The following DHRS4L2 variants were observed in gnomAD, a reference collection of about 807,000 sequenced individuals.
DHRS4L2 encodes the protein dehydrogenase/reductase 4 like 2.
Under a neutral mutation model 23.9 loss-of-function variants are expected in DHRS4L2, and 22 were observed. That is an observed-to-expected ratio of 0.92 (90% CI 0.66 to 1.31). The LOEUF is 1.31. DHRS4L2 is among the 40% of genes most tolerant of loss of function. The pLI is 0.00. For synonymous variants in DHRS4L2, 141 were observed against 123.7 expected, an observed-to-expected ratio of 1.14 and a Z score of -0.93; for missense variants, 385 against 303.3, an observed-to-expected ratio of 1.27 and a Z score of -2.00.
intron 2 of DHRS4L2, among the ~76,000 whole-genome samples, chr14:23,993,527 C>G (rs1027268155): frequency 6.6e-6 from 1 of 151,634 alleles, no homozygotes; most frequent in African/African-American, 2.4e-5. Flanking sequence ...CCCAAGGCAT[C>G]AAAATTGCCA....
At chr14:23,974,560 AG>A (rs1271647711) in intron 1 of DHRS4L2, among the ~76,000 whole-genome samples, 12 of 151,846 alleles carry the variant, frequency 7.9e-5, no homozygotes, top group Admixed American at 7.2e-4. Flanking sequence ...AAAATCATAA[AG>A]GGGATATCAC....
intron 1 of DHRS4L2, among the ~76,000 whole-genome samples, chr14:23,973,064 T>A (rs10151167): frequency 6.6e-6 from 1 of 151,514 alleles, no homozygotes; most frequent in Non-Finnish European, 1.5e-5. Context: ...TTAGTTCCCA[T>A]GGGCAGGCAG....
chr14:23,975,545 A>G (rs556321386), intron 1 of DHRS4L2, among the ~76,000 whole-genome samples: 1 of 151,932 alleles, frequency 6.6e-6, no homozygotes, highest in South Asian at 2.1e-4. Context: ...CCATCAAGCT[A>G]CCACTGACTT....
At chr14:23,983,287 T>C (rs930068946) in intron 1 of DHRS4L2, among the ~76,000 whole-genome samples, 3 of 151,750 alleles carry the variant, frequency 2.0e-5, no homozygotes, top group Admixed American at 1.3e-4. Flanking sequence ...AAAAAGTTCA[T>C]CATCACTGCT....
In DHRS4L2 at chr14:24,001,452, G is replaced by T. The variant is rs774835838; in HGVS notation, c.600G>T (p.Leu200=). The T allele has an allele frequency of 1.2e-6, 2 of 1,606,636 alleles. No individual in the cohort carries two copies. The highest frequency in any genetic ancestry group is 2.2e-5 in the South Asian group (2 of 90,710). ...LGLNNTLAIE[L]APRNIRVNCL... ...TCAACAATACCCTGGCCATAGAGCT[G>T]GCCCCAAGGAACATTAGGGTGAACT... Residue 200 remains leucine, a synonymous_variant, in exon 6 of 8, where the codon CTG becomes CTT. Transcript: ENST00000335125.
At chr14:23,985,695 A>C (rs1376526695), upstream of DHRS4L2, among the ~76,000 whole-genome samples, 1 of 151,534 alleles carries the variant, frequency 6.6e-6, no homozygotes, top group Non-Finnish European at 1.5e-5. Context: ...TATTTCCCTG[A>C]AAGGTTTCTT....
upstream of DHRS4L2, among the ~76,000 whole-genome samples, chr14:23,988,346 CA>C (rs781001265): frequency 2.0e-5 from 3 of 147,888 alleles, 1 homozygote; most frequent in Non-Finnish European, 4.5e-5. Flanking sequence ...GTCTGCCCTC[CA>C]AGGGCCCGTG....
At chr14:23,974,922 C>A (rs1222168807) in intron 1 of DHRS4L2, among the ~76,000 whole-genome samples, 1 of 151,762 alleles carries the variant, frequency 6.6e-6, no homozygotes, top group Non-Finnish European at 1.5e-5. Flanking sequence ...ATCCGGATAT[C>A]AAAGCTTGGC....
At chr14:23,990,944 G>C (rs1363005694) in intron 2 of DHRS4L2, 1 of 856,660 alleles carries the variant, frequency 1.2e-6, no homozygotes, top group Admixed American at 6.2e-5. Context: ...GCTGCCTGTG[G>C]ACTACCAGGT....
chr14:23,990,293 G>T lies in DHRS4L2; in HGVS notation c.240G>T (p.Gly80=). Residue 80 remains glycine, a synonymous_variant, in exon 2 of 8, where the codon GGG becomes GGT. Coordinates refer to ENST00000335125, the MANE Select transcript of DHRS4L2 (RefSeq NM_198083.4). The stretch of plus-strand genomic sequence containing the variant: ...CGGTGGCCACGCTGCAGGGGGAGGG[G>T]CTGAGCGTGACGGGCACTGTGTGCC... The part of the protein sequence containing the change: ...DQAVATLQGE[G]LSVTGTVCHV... 6.2e-7 allele frequency: 1 copy of T among 1,612,442 alleles called. No individual in the cohort carries two copies. The highest frequency in any genetic ancestry group is 8.5e-7 in the Non-Finnish European group (1 of 1,179,180).
At chr14:23,972,126 T>A (rs1220566224) in intron 1 of DHRS4L2, among the ~76,000 whole-genome samples, 1 of 152,054 alleles carries the variant, frequency 6.6e-6, no homozygotes, top group Non-Finnish European at 1.5e-5. Flanking sequence ...AATGAAGGTA[T>A]GTCTGGAATT....
intron 3 of DHRS4L2, among the ~76,000 whole-genome samples, chr14:23,999,964 G>A (rs2034454960): frequency 7.3e-6 from 1 of 136,352 alleles, no homozygotes; most frequent in South Asian, 2.2e-4. Context: ...CGAAGTGCAG[G>A]GATTGCAGGC....
chr14:23,988,708 G>C (rs2034197824), upstream of DHRS4L2: 3 of 1,214,836 alleles, frequency 2.5e-6, no homozygotes, highest in South Asian at 2.0e-5. Flanking sequence ...AACTTGAACG[G>C]AGAGCGCTTT....
intron 1 of DHRS4L2, among the ~76,000 whole-genome samples, chr14:23,982,158 T>C (rs1255106689): frequency 2.0e-5 from 3 of 151,688 alleles, no homozygotes; most frequent in Non-Finnish European, 4.4e-5. Context: ...CCTTGGACAG[T>C]AACCAGCGTT....
intron 1 of DHRS4L2, among the ~76,000 whole-genome samples, chr14:23,972,134 A>G (rs1384549767): frequency 6.6e-6 from 1 of 152,046 alleles, no homozygotes; most frequent in Admixed American, 6.6e-5. Context: ...TATGTCTGGA[A>G]TTGGTGGGTT....
Position 23,995,740 on chromosome 14 carries a change from A to G in DHRS4L2, c.408+607A>G, listed in dbSNP as rs2332155. Among the ~76,000 whole-genome samples the G allele has an allele frequency of 5.4e-4, 81 of 150,934 alleles. 1 individual carries two copies. Among genetic ancestry groups the G allele is most frequent in the East Asian group, 2.5e-3 (13 of 5,180 alleles). On this transcript the variant is annotated intron_variant, in intron 3 of 7. Coordinates refer to ENST00000335125, the MANE Select transcript of DHRS4L2 (RefSeq NM_198083.4). ...GAAAGTGTATAATTACATTATATTC[A>G]TAATATATTTCACACACACCCTTTA...
chr14:23,985,202 A>T (rs1477277546), upstream of DHRS4L2, among the ~76,000 whole-genome samples: 3 of 151,670 alleles, frequency 2.0e-5, no homozygotes, highest in African/African-American at 7.3e-5. Flanking sequence ...CTGTTTGATC[A>T]TATAGCCTTC....
Position 23,990,290 on chromosome 14 carries a change from G to A in DHRS4L2, c.237G>A (p.Glu79=). The A allele has an allele frequency of 6.2e-7, 1 of 1,612,426 alleles. No homozygotes were observed. The highest frequency in any genetic ancestry group is 8.5e-7 in the Non-Finnish European group (1 of 1,179,196). The change falls in exon 2 of 8, where the codon GAG becomes GAA. Residue 79 remains glutamate (E), a synonymous_variant. Transcript: ENST00000335125. ...VDQAVATLQG[E]GLSVTGTVCH... is the part of the protein sequence containing the mutation. Reference sequence around the variant, plus strand: ...AGGCGGTGGCCACGCTGCAGGGGGAGGGGCTGAGCGTGACGGGCACTGTGT... The same window carrying A: ...AGGCGGTGGCCACGCTGCAGGGGGAAGGGCTGAGCGTGACGGGCACTGTGT...
intron 6 of DHRS4L2, 36 bp downstream of exon 6, chr14:24,001,553 C>G (rs776911644): frequency 3.7e-5 from 59 of 1,594,618 alleles, no homozygotes; most frequent in Non-Finnish European, 5.0e-5. Context: ...ACTGGGACCC[C>G]TTGAAAGGCA....
Sources: allele counts gnomAD v4.1 joint callset (sites outside exome capture counted in the v4.1 genomes callset), GRCh38; gene constraint gnomAD v4.1.1; transcripts MANE v1.5; gene names NCBI Gene and HGNC (gene_info 2026-07-23, HGNC 2026-07-21).